Variants in DOCK9 observed in about 807,000 individuals in gnomAD.
DOCK9 encodes the protein dedicator of cytokinesis 9, also known as dedicator of cytokinesis protein 9.
Under a neutral mutation model 263.3 loss-of-function variants are expected in DOCK9, and 89 were observed. The ratio of observed to expected loss-of-function variants is 0.34; its 90% confidence interval spans 0.28 to 0.40. The LOEUF (loss-of-function observed/expected upper bound fraction) is 0.40, where lower values mean the gene tolerates loss of function less well. DOCK9 is among the 10% of genes least tolerant of loss of function. DOCK9 has a pLI of 1.00. For missense variants in DOCK9, 2,140 were observed against 2,603.4 expected (o/e 0.82, Z 3.87); for synonymous variants, 976 against 973.1 (o/e 1.00, Z -0.06).
At chr13:98,811,236 GAATT>G (rs1302679590) in intron 45 of DOCK9, among the ~76,000 whole-genome samples, 2 of 152,160 alleles carry the variant, frequency 1.3e-5, no homozygotes, top group African/African-American at 4.8e-5. Context: ...TAATGATGCT[GAATT>G]AATTTTAATT....
chr13:99,075,093 T>C (rs1199068461), intron 1 of DOCK9, among the ~76,000 whole-genome samples: 5 of 152,170 alleles, frequency 3.3e-5, no homozygotes, highest in African/African-American at 4.8e-5. Flanking sequence ...TGGGTAAGTT[T>C]TGATAAATTT....
chr13:98,905,277 G>C (rs755617999), intron 9 of DOCK9, among the ~76,000 whole-genome samples: 8 of 152,230 alleles, frequency 5.3e-5, no homozygotes, highest in African/African-American at 7.2e-5. Flanking sequence ...CCTCTTATGA[G>C]CCAGGCCCTC....
intron 49 of DOCK9, among the ~76,000 whole-genome samples, chr13:98,804,655 T>C (rs2090484088): frequency 6.6e-6 from 1 of 152,188 alleles, no homozygotes; most frequent in African/African-American, 2.4e-5. Context: ...GACCCAGGAC[T>C]GGGTGTGGCT....
chr13:98,817,910 A>G (rs2092003149), intron 45 of DOCK9, among the ~76,000 whole-genome samples: 1 of 152,196 alleles, frequency 6.6e-6, no homozygotes, highest in Non-Finnish European at 1.5e-5. Flanking sequence ...GATGGTTATC[A>G]AGAACTAGGA....
intron 1 of DOCK9, among the ~76,000 whole-genome samples, chr13:98,993,421 A>T (rs1454574661): frequency 6.6e-6 from 1 of 152,258 alleles, no homozygotes; most frequent in Non-Finnish European, 1.5e-5. Context: ...GAAATTTTTT[A>T]AACTGTTCCT....
At chr13:99,058,139 C>T (rs994203193) in intron 1 of DOCK9, among the ~76,000 whole-genome samples, 1 of 151,674 alleles carries the variant, frequency 6.6e-6, no homozygotes, top group African/African-American at 2.4e-5. Context: ...TGATTCTGAC[C>T]CACAGTGTAC....
chr13:98,815,385 T>C (rs1259772193), intron 45 of DOCK9, among the ~76,000 whole-genome samples: 1 of 152,244 alleles, frequency 6.6e-6, no homozygotes, highest in Non-Finnish European at 1.5e-5. Flanking sequence ...ATTTTAAAAC[T>C]GTCCTTAGGT....
intron 1 of DOCK9, among the ~76,000 whole-genome samples, chr13:99,074,828 T>C (rs1352252518): frequency 1.4e-4 from 21 of 152,206 alleles, no homozygotes; most frequent in Non-Finnish European, 2.8e-4. Flanking sequence ...ACGTTAAATT[T>C]TGCCTCCTCT....
chr13:98,841,171 A>C (rs2093196983), intron 38 of DOCK9, among the ~76,000 whole-genome samples: 1 of 152,008 alleles, frequency 6.6e-6, no homozygotes, highest in South Asian at 2.1e-4. Context: ...ATCCACAGAC[A>C]AAAAAAACAA....
At chr13:99,076,766 T>G (rs1425410055) in intron 1 of DOCK9, among the ~76,000 whole-genome samples, 1 of 152,088 alleles carries the variant, frequency 6.6e-6, no homozygotes, top group Non-Finnish European at 1.5e-5. Context: ...CCAAAAAATA[T>G]GACTGAGCCC....
intron 18 of DOCK9, 31 bp downstream of exon 18, chr13:98,888,127 G>T: frequency 1.4e-6 from 2 of 1,471,224 alleles, no homozygotes; most frequent in South Asian, 2.5e-5. Context: ...ATCAGAATTC[G>T]TAGGTGAACA....
At chr13:99,058,797 A>G (rs1366725959) in intron 1 of DOCK9, among the ~76,000 whole-genome samples, 2 of 152,168 alleles carry the variant, frequency 1.3e-5, no homozygotes, top group African/African-American at 2.4e-5. Flanking sequence ...GGGCACATGT[A>G]GCAGCCACAC....
intron 9 of DOCK9, among the ~76,000 whole-genome samples, chr13:98,913,527 G>A (rs1429651758): frequency 6.6e-6 from 1 of 152,158 alleles, no homozygotes; most frequent in Non-Finnish European, 1.5e-5. Flanking sequence ...CATATGGTAT[G>A]TTAGCATTTA....
chr13:98,935,894 A>C (rs2054745253), intron 2 of DOCK9, among the ~76,000 whole-genome samples: 1 of 152,228 alleles, frequency 6.6e-6, no homozygotes, highest in Non-Finnish European at 1.5e-5. Context: ...CCAGCTGCTA[A>C]GGTCTTCTAA....
chr13:99,036,789 C>T (rs998709002), intron 1 of DOCK9, among the ~76,000 whole-genome samples: 3 of 152,294 alleles, frequency 2.0e-5, no homozygotes, highest in East Asian at 1.9e-4. Flanking sequence ...CCGCCCACCT[C>T]GGCCTCCCAA....
At chr13:98,884,845 A>C in intron 21 of DOCK9, 126 bp downstream of exon 21, 1 of 1,161,162 alleles carries the variant, frequency 8.6e-7, no homozygotes, top group Non-Finnish European at 1.2e-6. Context: ...TTGAAAATGA[A>C]TAACTAATAT....
chr13:99,001,200 G>C lies in DOCK9; in HGVS notation c.130-45649C>G, dbSNP rs190592839. Among the ~76,000 whole-genome samples the C allele has an allele frequency of 2.9e-4, 44 of 152,292 alleles. No individual in the cohort carries two copies. The East Asian group carries it at 8.1e-3, about 28-fold the overall frequency. On this transcript the variant is annotated intron_variant, in intron 1 of 32. Coordinates refer to the DOCK9 transcript ENST00000427887. The stretch of plus-strand genomic sequence containing the variant: ...AAAGGGATAATTATTTAAATATACT[G>C]CCTTACATTTACTTGCTGGTACGAA...
At chr13:99,029,029 C>CA (rs2142051833) in intron 1 of DOCK9, among the ~76,000 whole-genome samples, 1 of 152,298 alleles carries the variant, frequency 6.6e-6, no homozygotes, top group Admixed American at 6.5e-5. Context: ...GCTCTGCCAC[C>CA]AGGGGACACT....
intron 15 of DOCK9, among the ~76,000 whole-genome samples, chr13:98,894,535 A>G (rs2047089175): frequency 6.6e-6 from 1 of 152,134 alleles, no homozygotes; most frequent in Admixed American, 6.6e-5. Context: ...AATATAGTGT[A>G]TTCACTTTCC....
Sources: gnomAD v4.1 joint callset for allele counts (sites outside exome capture counted in the v4.1 genomes callset) on GRCh38, gnomAD v4.1.1 for gene constraint, MANE v1.5 for transcripts, NCBI Gene and HGNC (gene_info 2026-07-23, HGNC 2026-07-21) for gene names.